Variants in SMC2 observed in about 807,000 individuals in gnomAD.
The protein encoded by SMC2 is structural maintenance of chromosomes protein 2.
In SMC2, 41 loss-of-function variants were observed where a neutral mutation model predicts 142.6. The observed-to-expected ratio is 0.29, with a 90% confidence interval of 0.22 to 0.37. The LOEUF (loss-of-function observed/expected upper bound fraction) is 0.37. SMC2 is among the 10% of genes least tolerant of loss of function. SMC2 has a pLI of 1.00. For synonymous variants in SMC2, 463 were observed against 457.5 expected (o/e 1.01, Z -0.15); for missense variants, 1,265 against 1,373.7 (o/e 0.92, Z 1.25).
chr9:104,100,299 G>A, intron 6 of SMC2, 90 bp from the exon 7 acceptor site: 1 of 1,389,452 alleles, frequency 7.2e-7, no homozygotes, highest in Non-Finnish European at 1.0e-6. Context: ...CCTTGGTTCA[G>A]TTTTCCATAG....
intron 3 of SMC2, among the ~76,000 whole-genome samples, chr9:104,096,566 T>G (rs1830462499): frequency 6.6e-6 from 1 of 152,276 alleles, no homozygotes. Context: ...GAATCTTCTT[T>G]GGTTGTTCTT....
intron 4 of SMC2, among the ~76,000 whole-genome samples, chr9:104,098,837 TAA>T (rs57501335): frequency 3.2e-4 from 47 of 145,474 alleles, no homozygotes; most frequent in African/African-American, 1.0e-3. Context: ...ATGTTAACTG[TAA>T]AAAAAAAAAA....
rs1350129674 is a variant in SMC2, at chr9:104,094,313, G to T, written c.-226G>T. 1 of 398,606 alleles carries T rather than the reference G, an allele frequency of 2.5e-6. No individual in the cohort carries two copies. The highest frequency in any genetic ancestry group is 4.4e-6 in the Non-Finnish European group (1 of 226,150). The allele number at this position is 398,606 out of a possible 1,614,324, so 24.7% of individuals were successfully genotyped here. A position where few individuals can be genotyped will look rare whatever the true frequency, so the allele number is the denominator to read the frequency against. On this transcript the variant is annotated 5_prime_UTR_variant, in exon 1 of 25. Coordinates refer to ENST00000374793, the MANE Select transcript of SMC2 (RefSeq NM_006444.3). ...CCTTTGCTCGCGCCGAAATTCAAAG[G>T]AATAAATAGTTCCGGCGCGGGTGTT... is the stretch of plus-strand genomic sequence containing the variant.
At position 104,125,091 on chromosome 9, in the gene SMC2, A is replaced by AAAGAAAAACAACAGGTAATAACTTCTTTT. The variant is rs1159320789; in HGVS notation, c.2438_2451+15dup. 1 of 1,573,302 alleles carries AAAGAAAAACAACAGGTAATAACTTCTTTT rather than the reference A, an allele frequency of 6.4e-7. No individual in the cohort carries two copies. ...GGCAGATGCATCTAGCAAGAAGATG[A>AAAGAAAAACAACAGGTAATAACTTCTTTT]AAGAAAAACAACAGGTAATAACTTC... is the stretch of plus-strand genomic sequence containing the variant. On this transcript the variant is annotated frameshift_variant, in exon 18 of 25. Coordinates refer to ENST00000374793, the MANE Select transcript of SMC2 (RefSeq NM_006444.3). LOFTEE classifies it high-confidence loss of function.
At chr9:104,115,955 A>C (rs185053476) in intron 13 of SMC2, among the ~76,000 whole-genome samples, 2 of 151,842 alleles carry the variant, frequency 1.3e-5, no homozygotes, top group Admixed American at 1.3e-4. Context: ...GAGGTCATAC[A>C]GTTTTTTATT....
intron 23 of SMC2, among the ~76,000 whole-genome samples, chr9:104,136,637 C>T (rs1835560764): frequency 6.6e-6 from 1 of 151,790 alleles, no homozygotes; most frequent in South Asian, 2.1e-4. Context: ...ACTTGAGGCA[C>T]TCATCACAGA....
At chr9:104,113,285 TC>T in intron 10 of SMC2, 30 bp from the exon 11 acceptor site, 1 of 1,577,452 alleles carries the variant, frequency 6.3e-7, no homozygotes, top group Non-Finnish European at 8.6e-7. Flanking sequence ...GCCTCATACA[TC>T]CTATGGTCTG....
intron 23 of SMC2, 82 bp from the exon 24 acceptor site, chr9:104,137,936 T>C: frequency 9.8e-7 from 1 of 1,015,654 alleles, no homozygotes; most frequent in Non-Finnish European, 1.4e-6. Flanking sequence ...CTATTCACAA[T>C]AATAGGATCA....
At position 104,124,956 on chromosome 9, in the gene SMC2, A is replaced by C. The variant is rs533007517; in HGVS notation, c.2302A>C (p.Lys768Gln). 4 of 1,597,574 alleles carry C rather than the reference A, an allele frequency of 2.5e-6. No individual in the cohort carries two copies. The highest frequency in any genetic ancestry group is 3.4e-6 in the Non-Finnish European group (4 of 1,176,292). Residue 768 changes from lysine (K) to glutamine (Q), a missense_variant, in exon 18 of 25, where the codon AAA becomes CAA. Physicochemically the swap from Lys to Gln is moderately conservative, Grantham distance 53. Around this residue, in one of 4 missense-constraint regions of SMC2, gnomAD observed 898 missense variants for 904.2 expected, o/e 0.99. Transcript: ENST00000374793. The part of the protein sequence containing the change: ...TLKNTKEIQR[K>Q]AEEKYEVLEN... Reference sequence around the variant, plus strand: ...GAAAAACACTAAAGAAATCCAAAGAAAAGCAGAAGAAAAATATGAAGTATT... The same window carrying C: ...GAAAAACACTAAAGAAATCCAAAGACAAGCAGAAGAAAAATATGAAGTATT...
In SMC2 at chr9:104,140,776, A is replaced by G. The variant is rs896842475; in HGVS notation, c.*1461A>G. ...ACAGACTGTGCCAAAACAGTTACCA[A>G]TTCACACTGTCAATATTAAAGTATA... On this transcript the variant is annotated 3_prime_UTR_variant, in exon 25 of 25. Transcript: ENST00000374793. The G allele has an allele frequency of 6.6e-6, 1 of 152,590 alleles. No homozygotes were observed. The highest frequency in any genetic ancestry group is 1.5e-5 in the Non-Finnish European group (1 of 68,032). The allele number at this position is 152,590 out of a possible 1,614,324, so 9.5% of individuals were successfully genotyped here.
intron 9 of SMC2, among the ~76,000 whole-genome samples, chr9:104,104,663 G>A: frequency 6.6e-6 from 1 of 152,186 alleles, no homozygotes; most frequent in Non-Finnish European, 1.5e-5. Context: ...AACTGGCTTA[G>A]TCTAATGCCA....
rs1833331981 is a variant in SMC2 at position 104,118,083 on chromosome 9, A to G, written c.1792-88A>G. 5 of 952,668 alleles carry G rather than the reference A, an allele frequency of 5.2e-6. No homozygotes were observed. The Middle Eastern group carries it at 1.2e-3, about 233-fold the overall frequency. 59.0% of individuals were successfully genotyped at this position (952,668 alleles called of 1,614,324 possible). A position where few individuals can be genotyped will look rare whatever the true frequency, so the allele number is the denominator to read the frequency against. On this transcript the variant is annotated intron_variant, in intron 14 of 24. Transcript: ENST00000374793. ...CTAGGTAAGTATTATTTAAGTTTCT[A>G]TTACAGCAGTTTTTACTGGTTTATA...
chr9:104,091,907 C>T (rs762815304), upstream of SMC2, among the ~76,000 whole-genome samples: 25 of 152,104 alleles, frequency 1.6e-4, no homozygotes, highest in Non-Finnish European at 2.4e-4. Context: ...CACTAGCTGC[C>T]AGATTTCTGC....
chr9:104,120,244 C>A, intron 16 of SMC2, 82 bp downstream of exon 16: 2 of 1,242,422 alleles, frequency 1.6e-6, no homozygotes, highest in Non-Finnish European at 2.2e-6. Context: ...TCAAGAAATA[C>A]AGCTTCTGAC....
At chr9:104,116,938 G>A (rs1043140710) in intron 14 of SMC2, among the ~76,000 whole-genome samples, 4 of 152,188 alleles carry the variant, frequency 2.6e-5, no homozygotes, top group Admixed American at 2.6e-4. Flanking sequence ...ACATTCAGCT[G>A]TAATATCAGT....
intron 17 of SMC2, among the ~76,000 whole-genome samples, chr9:104,123,466 A>G (rs548558229): frequency 6.7e-6 from 1 of 148,794 alleles, no homozygotes; most frequent in Non-Finnish European, 1.5e-5. Flanking sequence ...GCATATGAAC[A>G]TTTCTCCAAG....
At chr9:104,102,228 CTG>C (rs773438340) in intron 8 of SMC2, 35 bp downstream of exon 8, 27 of 1,272,490 alleles carry the variant, frequency 2.1e-5, no homozygotes, top group Non-Finnish European at 2.9e-5. Context: ...ATAATATACT[CTG>C]TGAAAAACGT....
chr9:104,104,711 GT>G (rs1831551218), intron 9 of SMC2, among the ~76,000 whole-genome samples: 1 of 152,176 alleles, frequency 6.6e-6, no homozygotes, highest in Non-Finnish European at 1.5e-5. Flanking sequence ...TCCAATCTAG[GT>G]ATCCCCTCTA....
intron 14 of SMC2, among the ~76,000 whole-genome samples, chr9:104,116,663 T>C (rs1195392250): frequency 6.6e-6 from 1 of 152,172 alleles, no homozygotes; most frequent in Non-Finnish European, 1.5e-5. Flanking sequence ...TTTGTTTCTT[T>C]TTATGTCAGG....
Sources: gnomAD v4.1 joint callset for allele counts (sites outside exome capture counted in the v4.1 genomes callset) on GRCh38, gnomAD v4.1.1 for gene constraint, gnomAD v4.1.1 regional missense constraint, MANE v1.5 for transcripts, NCBI Gene and HGNC (gene_info 2026-07-23, HGNC 2026-07-21) for gene names.